The following LINGO2 variants were observed in gnomAD, a reference collection of about 807,000 sequenced individuals.
The protein encoded by LINGO2 is leucine rich repeat and Ig domain containing 2.
In LINGO2, 14 loss-of-function variants were observed where a neutral mutation model predicts 30.6. The observed-to-expected ratio is 0.46, with a 90% confidence interval of 0.30 to 0.72. The LOEUF (loss-of-function observed/expected upper bound fraction) is 0.72, where lower values mean the gene tolerates loss of function less well. LINGO2 is among the 30% of genes least tolerant of loss of function. The probability of loss-of-function intolerance (pLI) is 0.07; values close to 1 mark genes in which losing one functional copy is unlikely to be tolerated. For synonymous variants in LINGO2, 317 were observed against 288.5 expected, an observed-to-expected ratio of 1.10 and a Z score of -1.00; for missense variants, 729 against 751.7, an observed-to-expected ratio of 0.97 and a Z score of 0.35.
rs548843037 is a variant in LINGO2 at position 28,028,167 on chromosome 9, T to TAAGA, written c.-86-15766_-86-15763dup. The stretch of plus-strand genomic sequence containing the variant: ...TTATTGACTCTCTTGACCGGTGTTT[T>TAAGA]AAGATAATGAAGCTAAGTTTAGGCT... On this transcript the variant is annotated intron_variant, in intron 4 of 5. Transcript: ENST00000379992. 1.9e-3 allele frequency among the ~76,000 whole-genome samples: 286 copies of TAAGA among 152,304 alleles called. 2 individuals are homozygous for TAAGA. Among genetic ancestry groups the TAAGA allele is most frequent in the Middle Eastern group, 0.014 (4 of 294 alleles).
intron 4 of LINGO2, among the ~76,000 whole-genome samples, chr9:28,221,984 A>G (rs941714523): frequency 6.6e-6 from 1 of 152,196 alleles, no homozygotes; most frequent in African/African-American, 2.4e-5. Flanking sequence ...TCATTAGAAA[A>G]TTGTATTTGT....
intron 2 of LINGO2, among the ~76,000 whole-genome samples, chr9:28,407,095 A>G (rs1378862113): frequency 1.3e-5 from 2 of 152,144 alleles, no homozygotes; most frequent in East Asian, 3.9e-4. Flanking sequence ...ATATATAGAG[A>G]TGCATATATA....
chr9:28,340,810 T>C (rs1195018169), intron 3 of LINGO2, among the ~76,000 whole-genome samples: 2 of 152,108 alleles, frequency 1.3e-5, no homozygotes, highest in Non-Finnish European at 2.9e-5. Flanking sequence ...AACATTTTAA[T>C]AGAAAAACTT....
At chr9:29,138,329 C>T in the LINGO2 span, among the ~76,000 whole-genome samples, 29,028 of 151,790 alleles carry the variant, frequency 0.19, 2,932 homozygotes, top group East Asian at 0.37. Flanking sequence ...AGACCACCGG[C>T]CAGAAACTTA....
At chr9:28,439,604 T>G (rs918849014) in intron 2 of LINGO2, among the ~76,000 whole-genome samples, 1 of 152,038 alleles carries the variant, frequency 6.6e-6, no homozygotes, top group Non-Finnish European at 1.5e-5. Flanking sequence ...TATAGCACCT[T>G]CCCCTTCACT....
At chr9:27,955,533 T>C (rs1819521649) in intron 5 of LINGO2, among the ~76,000 whole-genome samples, 1 of 152,240 alleles carries the variant, frequency 6.6e-6, no homozygotes, top group Non-Finnish European at 1.5e-5. Context: ...GTATTCATTT[T>C]ATATAATTTT....
At chr9:29,053,254 G>A in the LINGO2 span, among the ~76,000 whole-genome samples, 2 of 152,302 alleles carry the variant, frequency 1.3e-5, no homozygotes, top group South Asian at 4.1e-4. Context: ...AGAAGTGCTA[G>A]TGAAGAAAGT....
the LINGO2 span, among the ~76,000 whole-genome samples, chr9:28,773,766 G>T: frequency 6.6e-6 from 1 of 152,132 alleles, no homozygotes; most frequent in African/African-American, 2.4e-5. Flanking sequence ...TGTGGAAAGG[G>T]TAATTCAACT....
chr9:28,038,214 A>C (rs1189321336), intron 4 of LINGO2, among the ~76,000 whole-genome samples: 1 of 135,192 alleles, frequency 7.4e-6, no homozygotes, highest in Non-Finnish European at 1.6e-5. Flanking sequence ...ATGCCAGGAC[A>C]GTTATCATGG....
At chr9:28,445,767 G>A (rs929092527) in intron 2 of LINGO2, among the ~76,000 whole-genome samples, 1 of 152,088 alleles carries the variant, frequency 6.6e-6, no homozygotes, top group Non-Finnish European at 1.5e-5. Context: ...ATTCTGCCTG[G>A]TGACAATGTT....
chr9:28,735,706 A>G, the LINGO2 span, among the ~76,000 whole-genome samples: 1 of 152,182 alleles, frequency 6.6e-6, no homozygotes, highest in Non-Finnish European at 1.5e-5. Flanking sequence ...TCTATGATCT[A>G]TAATGACATT....
intron 1 of LINGO2, among the ~76,000 whole-genome samples, chr9:28,512,585 ATATGTGTG>A (rs1256889283): frequency 0.23 from 1,069 of 4,692 alleles, 53 homozygotes; most frequent in East Asian, 0.47. Flanking sequence ...AACAGGATAT[ATATGTGTG>A]TATATATATA....
chr9:28,050,125 T>TA (rs1486173758), intron 4 of LINGO2, among the ~76,000 whole-genome samples: 19 of 150,520 alleles, frequency 1.3e-4, no homozygotes, highest in African/African-American at 4.7e-4. Flanking sequence ...AGGGGTCAAG[T>TA]ATAACTAGCT....
At chr9:28,034,495 C>A (rs997251032) in intron 4 of LINGO2, among the ~76,000 whole-genome samples, 1 of 152,118 alleles carries the variant, frequency 6.6e-6, no homozygotes, top group African/African-American at 2.4e-5. Flanking sequence ...TTTTGTGGCC[C>A]AGAAGCCCAG....
At position 28,516,880 on chromosome 9, in the gene LINGO2, A is replaced by G. The variant is rs1416365453; in HGVS notation, c.-364-40855T>C. Among the ~76,000 whole-genome samples the G allele has an allele frequency of 2.0e-5, 3 of 152,286 alleles. No homozygotes were observed. In the East Asian group the frequency reaches 5.8e-4, roughly 29 times the overall value. ...GATATCTGATAATATTAAAAATGGA[A>G]GGTCTGACCCTACATTATTTTTTCT... On this transcript the variant is annotated intron_variant, in intron 1 of 5. Transcript: ENST00000379992.
chr9:28,992,485 A>T, the LINGO2 span, among the ~76,000 whole-genome samples: 1 of 151,788 alleles, frequency 6.6e-6, no homozygotes, highest in Admixed American at 6.6e-5. Flanking sequence ...GATACCCAGG[A>T]ATTGAACTCA....
chr9:28,220,767 A>G (rs553728697), intron 4 of LINGO2, among the ~76,000 whole-genome samples: 1 of 152,242 alleles, frequency 6.6e-6, no homozygotes, highest in Non-Finnish European at 1.5e-5. Context: ...GTCTCCAGAA[A>G]AATTGAGGTG....
At chr9:28,860,061 A>G in the LINGO2 span, among the ~76,000 whole-genome samples, 1 of 152,120 alleles carries the variant, frequency 6.6e-6, no homozygotes, top group African/African-American at 2.4e-5. Flanking sequence ...CCAATAAATT[A>G]AATAAAACAT....
the LINGO2 span, among the ~76,000 whole-genome samples, chr9:28,808,082 TTCTA>T: frequency 2.0e-5 from 3 of 152,222 alleles, no homozygotes; most frequent in South Asian, 2.1e-4. Flanking sequence ...ACACCTCATT[TTCTA>T]TCTTATTGTA....
Sources: allele counts gnomAD v4.1 joint callset (sites outside exome capture counted in the v4.1 genomes callset), GRCh38; gene constraint gnomAD v4.1.1; transcripts MANE v1.5; gene names NCBI Gene and HGNC (gene_info 2026-07-23, HGNC 2026-07-21).